SDK1: variants seen among roughly 807,000 people sequenced by gnomAD.
The protein encoded by SDK1 is sidekick cell adhesion molecule 1, also known as protein sidekick-1.
Under a neutral mutation model 245.5 loss-of-function variants are expected in SDK1, and 157 were observed. That is an observed-to-expected ratio of 0.64 (90% confidence interval 0.56 to 0.73). The LOEUF is 0.73. SDK1 is among the 30% of genes least tolerant of loss of function. SDK1 has a pLI of 0.00. For missense variants in SDK1, 3,583 were observed against 3,002.3 expected (o/e 1.19, Z -4.52); for synonymous variants, 1,647 against 1,278.5 (o/e 1.29, Z -6.15).
At chr7:3,463,998 C>T (rs1036392788) in intron 1 of SDK1, among the ~76,000 whole-genome samples, 1 of 152,184 alleles carries the variant, frequency 6.6e-6, no homozygotes, top group South Asian at 2.1e-4. Context: ...TCAAATGTTT[C>T]TCTTACAGTT....
chr7:3,525,058 C>T (rs903909818), intron 1 of SDK1, among the ~76,000 whole-genome samples: 8 of 152,188 alleles, frequency 5.3e-5, no homozygotes, highest in East Asian at 1.9e-4. Context: ...TAACTATTTA[C>T]GTAGCATTTA....
intron 4 of SDK1, among the ~76,000 whole-genome samples, chr7:3,720,531 T>A (rs377002818): frequency 6.6e-6 from 1 of 152,048 alleles, no homozygotes; most frequent in East Asian, 1.9e-4. Flanking sequence ...CAAGGAGATA[T>A]CACTACAAAC....
chr7:3,406,887 A>C (rs1195651945), intron 1 of SDK1, among the ~76,000 whole-genome samples: 1 of 152,178 alleles, frequency 6.6e-6, no homozygotes, highest in Non-Finnish European at 1.5e-5. Flanking sequence ...TGAACAGTAC[A>C]TTTGTAATGT....
At chr7:3,738,413 C>T (rs1299211282) in intron 4 of SDK1, among the ~76,000 whole-genome samples, 2 of 152,160 alleles carry the variant, frequency 1.3e-5, no homozygotes, top group African/African-American at 4.8e-5. Context: ...GTATGCCTCT[C>T]TCTGTGCCAC....
At chr7:3,683,092 C>T (rs1369102004) in intron 4 of SDK1, among the ~76,000 whole-genome samples, 3 of 152,108 alleles carry the variant, frequency 2.0e-5, no homozygotes, top group Admixed American at 6.5e-5. Context: ...ACAGTATTAC[C>T]GAGCAAGGCA....
intron 4 of SDK1, among the ~76,000 whole-genome samples, chr7:3,800,572 G>A (rs143848824): frequency 7.9e-4 from 120 of 152,006 alleles, no homozygotes; most frequent in African/African-American, 2.4e-3. Flanking sequence ...TACTAGAGAC[G>A]GGTTAACCAG....
chr7:3,854,856 G>A (rs910279684), intron 5 of SDK1, among the ~76,000 whole-genome samples: 64 of 152,178 alleles, frequency 4.2e-4, no homozygotes, highest in African/African-American at 1.3e-3. Flanking sequence ...TCGCTATAGA[G>A]AACAGACAAA....
intron 5 of SDK1, among the ~76,000 whole-genome samples, chr7:3,895,436 G>A (rs1273945398): frequency 6.6e-6 from 1 of 152,174 alleles, no homozygotes; most frequent in Non-Finnish European, 1.5e-5. Context: ...GGCTTCCAAG[G>A]ATGTTTTCTG....
intron 4 of SDK1, among the ~76,000 whole-genome samples, chr7:3,720,952 A>G (rs1583340608): frequency 6.6e-6 from 1 of 152,236 alleles, no homozygotes; most frequent in East Asian, 1.9e-4. Flanking sequence ...CAACTGGGAT[A>G]GACCTCAAGA....
intron 35 of SDK1, among the ~76,000 whole-genome samples, chr7:4,180,796 C>T (rs1782561596): frequency 6.6e-6 from 1 of 152,108 alleles, no homozygotes; most frequent in Non-Finnish European, 1.5e-5. Flanking sequence ...GAGGGAGGTG[C>T]CACACATTTA....
chr7:4,199,158 A>G (rs961670932), intron 35 of SDK1, among the ~76,000 whole-genome samples: 1 of 152,132 alleles, frequency 6.6e-6, no homozygotes, highest in Non-Finnish European at 1.5e-5. Context: ...CAACAGGTTG[A>G]ATTTTGTGTG....
chr7:4,183,449 C>T (rs1416353328), intron 35 of SDK1, among the ~76,000 whole-genome samples: 1 of 151,876 alleles, frequency 6.6e-6, no homozygotes, highest in Non-Finnish European at 1.5e-5. Flanking sequence ...GCCTGGCCAA[C>T]ATGGTGAAAC....
At chr7:3,530,634 A>T (rs78165853) in intron 1 of SDK1, among the ~76,000 whole-genome samples, 1 of 151,798 alleles carries the variant, frequency 6.6e-6, no homozygotes, top group Non-Finnish European at 1.5e-5. Context: ...ATACTTTCAC[A>T]TAGATAGGCA....
chr7:4,080,787 A>T (rs1781006746), intron 22 of SDK1, among the ~76,000 whole-genome samples: 1 of 152,172 alleles, frequency 6.6e-6, no homozygotes, highest in Admixed American at 6.5e-5. Context: ...CAGCACACCA[A>T]CATGGCACAT....
At chr7:3,487,754 C>CAAAAAAAAAAAA (rs764105126) in intron 1 of SDK1, among the ~76,000 whole-genome samples, 16 of 64,940 alleles carry the variant, frequency 2.5e-4, no homozygotes, top group East Asian at 4.8e-4. Context: ...GACCCCATCT[C>CAAAAAAAAAAAA]AAAAAAAAAA....
intron 2 of SDK1, among the ~76,000 whole-genome samples, chr7:3,632,431 T>C (rs968450900): frequency 2.0e-5 from 3 of 152,200 alleles, no homozygotes; most frequent in African/African-American, 4.8e-5. Context: ...AAAGTTTAAA[T>C]GTAGTCATTC....
At chr7:3,347,144 C>G (rs1780529890) in intron 1 of SDK1, among the ~76,000 whole-genome samples, 1 of 151,752 alleles carries the variant, frequency 6.6e-6, no homozygotes, top group African/African-American at 2.4e-5. Flanking sequence ...CCTCTTGCAT[C>G]CAGACGTTAG....
chr7:4,089,328 G>C (rs1176013869), intron 22 of SDK1, among the ~76,000 whole-genome samples: 1 of 152,232 alleles, frequency 6.6e-6, no homozygotes. Context: ...CAGTTCATCA[G>C]AACCCCTGGG....
chr7:3,621,837 AT>A (rs1781951667), intron 2 of SDK1, among the ~76,000 whole-genome samples: 1 of 152,222 alleles, frequency 6.6e-6, no homozygotes, highest in South Asian at 2.1e-4. Context: ...TCAAACTATT[AT>A]TTGCAAATCG....
Sources: allele counts gnomAD v4.1 joint callset (sites outside exome capture counted in the v4.1 genomes callset), GRCh38; gene constraint gnomAD v4.1.1; transcripts MANE v1.5; gene names NCBI Gene and HGNC (gene_info 2026-07-23, HGNC 2026-07-21).